FER1L6: variants seen among roughly 807,000 people sequenced by gnomAD.
FER1L6 encodes the protein fer-1-like protein 6.
FER1L6 carries 177 observed loss-of-function variants against 219.2 expected under a neutral mutation model. The observed-to-expected ratio is 0.81, with a 90% CI of 0.71 to 0.91. The LOEUF is 0.91. FER1L6 is among the 40% of genes least tolerant of loss of function. The pLI, the probability that FER1L6 is intolerant of heterozygous loss-of-function variation, is 0.00. For missense variants in FER1L6, 2,153 were observed against 2,259.9 expected (o/e 0.95, Z 0.96); for synonymous variants, 768 against 824.3 (o/e 0.93, Z 1.17).
intron 12 of FER1L6, among the ~76,000 whole-genome samples, chr8:123,988,249 T>C (rs1816689839): frequency 1.3e-5 from 2 of 152,240 alleles, no homozygotes; most frequent in African/African-American, 4.8e-5. Flanking sequence ...TAATTTGAAA[T>C]CAGGTAATAT....
chr8:123,933,535 A>G (rs547346307), intron 1 of FER1L6, among the ~76,000 whole-genome samples: 2 of 152,320 alleles, frequency 1.3e-5, no homozygotes, highest in Admixed American at 6.5e-5. Flanking sequence ...ATGTGTGCAC[A>G]CACATGTGAG....
rs192391037 is a variant in FER1L6 at position 123,937,015 on chromosome 8, C to G, written c.-7-18977C>G. Among the ~76,000 whole-genome samples, 836 of 152,304 alleles carry G rather than the reference C, an allele frequency of 5.5e-3. 2 individuals carry two copies. The highest frequency in any genetic ancestry group is 8.2e-3 in the Non-Finnish European group (561 of 68,032). On this transcript the variant is annotated intron_variant, in intron 1 of 40. Transcript: ENST00000522917. ...CCGCCTCCTGGGTTCAAGTGATTCT[C>G]CTGCCTCAGCCTCCTGAGTAGCTGG...
At chr8:123,973,768 C>CAATGGAATA in intron 7 of FER1L6, among the ~76,000 whole-genome samples, 1 of 152,168 alleles carries the variant, frequency 6.6e-6, no homozygotes, top group East Asian at 1.9e-4. Context: ...ACAGGAGAGG[C>CAATGGAATA]AATGGAATAT....
At chr8:123,977,333 C>T (rs1224198801) in intron 9 of FER1L6, 84 bp from the exon 10 acceptor site, 25 of 1,380,696 alleles carry the variant, frequency 1.8e-5, no homozygotes, top group Non-Finnish European at 2.4e-5. Context: ...TGAAAACTCA[C>T]TTTATACTTC....
At chr8:124,071,286 G>T (rs1340185174) in intron 30 of FER1L6, among the ~76,000 whole-genome samples, 2 of 152,188 alleles carry the variant, frequency 1.3e-5, no homozygotes, top group Non-Finnish European at 2.9e-5. Context: ...CTGTGAGGGG[G>T]TTGTTAATGT....
chr8:123,974,671 A>AG (rs1815979000), intron 7 of FER1L6, among the ~76,000 whole-genome samples: 1 of 148,716 alleles, frequency 6.7e-6, no homozygotes. Flanking sequence ...AAAAAAAAAA[A>AG]AAAAAAAAAA....
chr8:123,869,392 G>C (rs1816888955), intron 1 of FER1L6, among the ~76,000 whole-genome samples: 1 of 152,088 alleles, frequency 6.6e-6, no homozygotes, highest in East Asian at 1.9e-4. Flanking sequence ...TCTTCATCTG[G>C]AGATCCTTCC....
chr8:124,114,238 G>A (rs1054433421), intron 39 of FER1L6, among the ~76,000 whole-genome samples: 1 of 150,810 alleles, frequency 6.6e-6, no homozygotes, highest in Non-Finnish European at 1.5e-5. Flanking sequence ...CCCCCAAAAA[G>A]ATAGGACAAA....
intron 1 of FER1L6, among the ~76,000 whole-genome samples, chr8:123,855,763 T>TACACACACACACACACATATAC (rs1816626152): frequency 6.9e-6 from 1 of 145,530 alleles, no homozygotes; most frequent in African/African-American, 2.7e-5. Context: ...TATATATATG[T>TACACACACACACACACATATAC]GTGTGTATAT....
At chr8:124,069,190 C>T (rs1302257014) in intron 28 of FER1L6, among the ~76,000 whole-genome samples, 170 bp from the exon 29 acceptor site, 1 of 152,196 alleles carries the variant, frequency 6.6e-6, no homozygotes, top group Admixed American at 6.5e-5. Flanking sequence ...CCTGCCTCAG[C>T]CTCCCAAAGT....
At chr8:123,936,554 C>T (rs1219450835) in intron 1 of FER1L6, among the ~76,000 whole-genome samples, 1 of 137,002 alleles carries the variant, frequency 7.3e-6, no homozygotes, top group Non-Finnish European at 1.5e-5. Context: ...TGGACACAAT[C>T]ACCTGGCATT....
chr8:124,112,507 G>A (rs942067466), intron 39 of FER1L6, among the ~76,000 whole-genome samples: 2 of 152,122 alleles, frequency 1.3e-5, no homozygotes, highest in African/African-American at 2.4e-5. Flanking sequence ...CTTATCCCAA[G>A]TCATCCTACT....
intron 6 of FER1L6, 21 bp from the exon 7 acceptor site, chr8:123,973,413 C>T (rs775172212): frequency 1.7e-5 from 27 of 1,597,192 alleles, no homozygotes; most frequent in Non-Finnish European, 2.3e-5. Flanking sequence ...CTGCCATACT[C>T]CCTGCTCTCT....
intron 1 of FER1L6, among the ~76,000 whole-genome samples, chr8:123,929,752 T>A (rs1813698272): frequency 6.6e-6 from 1 of 152,110 alleles, no homozygotes; most frequent in South Asian, 2.1e-4. Flanking sequence ...TACTACCAAA[T>A]AAAGTCAAGT....
intron 34 of FER1L6, among the ~76,000 whole-genome samples, chr8:124,092,364 T>C (rs1415317510): frequency 6.6e-6 from 1 of 152,172 alleles, no homozygotes; most frequent in Non-Finnish European, 1.5e-5. Context: ...AGAAGTAGAA[T>C]TGTTGCATCA....
intron 31 of FER1L6, among the ~76,000 whole-genome samples, chr8:124,074,248 T>C (rs921560959): frequency 6.6e-6 from 1 of 152,276 alleles, no homozygotes; most frequent in African/African-American, 2.4e-5. Flanking sequence ...GCAAGAGTCA[T>C]AGGGTCATGG....
chr8:124,009,916 G>C (rs1258245789), intron 13 of FER1L6, among the ~76,000 whole-genome samples: 8 of 143,908 alleles, frequency 5.6e-5, no homozygotes, highest in East Asian at 2.4e-4. Flanking sequence ...GGCAGGAGAA[G>C]TCTTGTTCTA....
At chr8:123,868,814 A>G (rs1025233445) in intron 1 of FER1L6, among the ~76,000 whole-genome samples, 1 of 152,192 alleles carries the variant, frequency 6.6e-6, no homozygotes, top group East Asian at 1.9e-4. Flanking sequence ...TTCTGACCTA[A>G]TGGTTCCACC....
intron 1 of FER1L6, among the ~76,000 whole-genome samples, chr8:123,890,172 C>T (rs142369454): frequency 1.1e-4 from 16 of 152,200 alleles, no homozygotes; most frequent in African/African-American, 3.8e-4. Context: ...TACTCTTCTG[C>T]ATAGGTAATA....
Sources: gnomAD v4.1 joint callset for allele counts (sites outside exome capture counted in the v4.1 genomes callset) on GRCh38, gnomAD v4.1.1 for gene constraint, MANE v1.5 for transcripts, NCBI Gene and HGNC (gene_info 2026-07-23, HGNC 2026-07-21) for gene names.